Variants in ZNF532 observed in about 807,000 individuals in gnomAD.
The protein encoded by ZNF532 is zinc finger protein 532.
ZNF532 carries 22 observed loss-of-function variants against 89.3 expected under a neutral mutation model. That is an observed-to-expected ratio of 0.25 (90% CI 0.18 to 0.35). The LOEUF is 0.35. ZNF532 is among the 10% of genes least tolerant of loss of function. ZNF532 has a pLI of 1.00. For synonymous variants in ZNF532, 606 were observed against 649.6 expected (o/e 0.93, Z 1.02); for missense variants, 1,132 against 1,643.4 (o/e 0.69, Z 5.38).
At chr18:58,968,635 G>A (rs1356850977) in intron 7 of ZNF532, among the ~76,000 whole-genome samples, 1 of 152,184 alleles carries the variant, frequency 6.6e-6, no homozygotes, top group Non-Finnish European at 1.5e-5. Flanking sequence ...GTAGAGCGTA[G>A]ACATAGATCC....
At chr18:58,914,042 GGAA>G (rs1318657817) in intron 2 of ZNF532, among the ~76,000 whole-genome samples, 1 of 152,196 alleles carries the variant, frequency 6.6e-6, no homozygotes, top group Non-Finnish European at 1.5e-5. Flanking sequence ...TTATTGCAAA[GGAA>G]GAAGAATTTT....
chr18:58,944,577 C>A (rs977419370), intron 5 of ZNF532, among the ~76,000 whole-genome samples: 30 of 152,250 alleles, frequency 2.0e-4, no homozygotes, highest in African/African-American at 5.8e-4. Context: ...GCCCAGTAGA[C>A]CCCTGCCTTT....
intron 2 of ZNF532, among the ~76,000 whole-genome samples, chr18:58,897,182 T>C (rs2059307112): frequency 6.6e-6 from 1 of 152,206 alleles, no homozygotes; most frequent in African/African-American, 2.4e-5. Context: ...CTCTTAGATA[T>C]GGTCAGTTTG....
rs1177942370 is a variant in ZNF532 at position 58,985,458 on chromosome 18, G to T, written c.*992G>T. 1 of 152,606 alleles carries T rather than the reference G, an allele frequency of 6.6e-6. No individual in the cohort carries two copies. The highest frequency in any genetic ancestry group is 1.9e-4 in the East Asian group (1 of 5,198). The allele number at this position is 152,606 out of a possible 1,614,324, so 9.5% of individuals were successfully genotyped here. On this transcript the variant is annotated 3_prime_UTR_variant, in exon 10 of 10. Transcript: ENST00000591808. ...GCTGTCAAAAGAGTTGGCGTTTCCT[G>T]TTCTGGGTGCTACTGCCAAACGTTA... is the stretch of plus-strand genomic sequence containing the variant.
At chr18:58,969,425 C>T (rs546325227) in intron 7 of ZNF532, among the ~76,000 whole-genome samples, 2 of 152,284 alleles carry the variant, frequency 1.3e-5, no homozygotes, top group African/African-American at 2.4e-5. Context: ...CAATCAACAC[C>T]GACACGGAGC....
chr18:58,933,438 A>T (rs1418725669), intron 3 of ZNF532, among the ~76,000 whole-genome samples: 1 of 152,184 alleles, frequency 6.6e-6, no homozygotes, highest in East Asian at 1.9e-4. Flanking sequence ...GTCAATATAA[A>T]CAAATGCTTT....
At chr18:58,890,589 C>T (rs548389937) in intron 2 of ZNF532, among the ~76,000 whole-genome samples, 5 of 145,462 alleles carry the variant, frequency 3.4e-5, no homozygotes, top group Non-Finnish European at 6.1e-5. Context: ...CACTAACTGC[C>T]GCCCATTTTT....
intron 2 of ZNF532, among the ~76,000 whole-genome samples, chr18:58,871,430 G>A (rs1602476856): frequency 6.6e-6 from 1 of 152,182 alleles, no homozygotes; most frequent in East Asian, 1.9e-4. Flanking sequence ...GATGAGAGGA[G>A]CTGTACATGT....
At chr18:58,930,627 C>CAAAAAA (rs59983153) in intron 3 of ZNF532, among the ~76,000 whole-genome samples, 2 of 81,190 alleles carry the variant, frequency 2.5e-5, no homozygotes, top group Admixed American at 1.4e-4. Context: ...GACTCCATCT[C>CAAAAAA]AAAAAAAAAA....
Position 58,983,606 on chromosome 18 carries a change from C to G in ZNF532, c.3412-366C>G, listed in dbSNP as rs553668304. Among the ~76,000 whole-genome samples the G allele has an allele frequency of 3.7e-3, 565 of 152,220 alleles. 4 individuals are homozygous for G. The highest frequency in any genetic ancestry group is 0.013 in the African/African-American group (521 of 41,552). ...CCTAGCAGCCACACATATACCCCCC[C>G]CTTGCTTCCCATGGCCCTCATCCCA... On this transcript the variant is annotated intron_variant, in intron 9 of 9. Transcript: ENST00000591808.
At chr18:58,886,655 T>C (rs2058323878) in intron 2 of ZNF532, among the ~76,000 whole-genome samples, 1 of 152,250 alleles carries the variant, frequency 6.6e-6, no homozygotes, top group African/African-American at 2.4e-5. Context: ...GTCATGGATA[T>C]GTACATGATT....
chr18:58,922,956 T>C (rs1042403854), intron 3 of ZNF532, among the ~76,000 whole-genome samples: 3 of 151,586 alleles, frequency 2.0e-5, no homozygotes, highest in African/African-American at 7.3e-5. Flanking sequence ...GTGAAACGGG[T>C]GAAACTCTGT....
At chr18:58,979,346 TAA>T (rs201696846) in intron 8 of ZNF532, 179 bp downstream of exon 8, 6 of 347,456 alleles carry the variant, frequency 1.7e-5, no homozygotes, top group South Asian at 9.4e-5. Flanking sequence ...AATATGAAAA[TAA>T]AAAAAAAAGG....
At chr18:58,877,857 G>A (rs1319012618) in intron 2 of ZNF532, among the ~76,000 whole-genome samples, 3 of 152,136 alleles carry the variant, frequency 2.0e-5, no homozygotes, top group Non-Finnish European at 4.4e-5. Context: ...TTAAGGAAGT[G>A]GAACTATGGA....
intron 7 of ZNF532, among the ~76,000 whole-genome samples, chr18:58,975,534 G>A (rs759334265): frequency 7.9e-5 from 12 of 152,206 alleles, no homozygotes; most frequent in South Asian, 2.1e-4. Flanking sequence ...AGTGCTCTCC[G>A]GGAAGAATGG....
At chr18:58,942,316 C>T (rs903697516) in intron 5 of ZNF532, among the ~76,000 whole-genome samples, 1 of 94,434 alleles carries the variant, frequency 1.1e-5, no homozygotes, top group African/African-American at 4.7e-5. Flanking sequence ...GCCACCGCGC[C>T]TGGCCCCTCC....
At chr18:58,933,257 T>C in intron 3 of ZNF532, among the ~76,000 whole-genome samples, 1 of 151,888 alleles carries the variant, frequency 6.6e-6, no homozygotes, top group East Asian at 1.9e-4. Context: ...TAAACATTTT[T>C]TGGGATAAAA....
chr18:58,967,214 CT>C (rs2066006174), intron 7 of ZNF532, among the ~76,000 whole-genome samples: 1 of 152,280 alleles, frequency 6.6e-6, no homozygotes, highest in African/African-American at 2.4e-5. Context: ...ACCAATCCCC[CT>C]ATCATTAGAA....
At chr18:58,956,919 A>C (rs1001096425) in intron 7 of ZNF532, among the ~76,000 whole-genome samples, 1 of 152,224 alleles carries the variant, frequency 6.6e-6, no homozygotes, top group Non-Finnish European at 1.5e-5. Flanking sequence ...AACCACTCTT[A>C]TAACTTTGCT....
Sources: gnomAD v4.1 joint callset for allele counts (sites outside exome capture counted in the v4.1 genomes callset) on GRCh38, gnomAD v4.1.1 for gene constraint, MANE v1.5 for transcripts, NCBI Gene and HGNC (gene_info 2026-07-23, HGNC 2026-07-21) for gene names.